The following SHISA9 variants were observed in gnomAD, a reference collection of about 807,000 sequenced individuals.
The protein encoded by SHISA9 is shisa family member 9.
SHISA9 carries 13 observed loss-of-function variants against 38.0 expected under a neutral mutation model. The observed-to-expected ratio is 0.34, with a 90% CI of 0.22 to 0.54. The LOEUF is 0.54. Ranked by LOEUF, SHISA9 falls within the 20% of genes least tolerant of loss-of-function variation. SHISA9 has a pLI of 0.91. For missense variants in SHISA9, 538 were observed against 575.8 expected (o/e 0.93, Z 0.67); for synonymous variants, 275 against 242.0 (o/e 1.14, Z -1.27).
At chr16:13,553,683 A>G in the SHISA9 span, among the ~76,000 whole-genome samples, 162 of 68,296 alleles carry the variant, frequency 2.4e-3, no homozygotes, top group African/African-American at 9.7e-3. Context: ...AAAAAAAAAG[A>G]AAAAAAAAAT....
chr16:13,007,152 C>T (rs1327720836), intron 2 of SHISA9, among the ~76,000 whole-genome samples: 2 of 152,278 alleles, frequency 1.3e-5, no homozygotes, highest in South Asian at 2.1e-4. Context: ...GGAACTTCAA[C>T]CTCCCACTCT....
the SHISA9 span, among the ~76,000 whole-genome samples, chr16:13,468,991 C>T: frequency 6.6e-6 from 1 of 151,466 alleles, no homozygotes; most frequent in Non-Finnish European, 1.5e-5. Context: ...ACTTGTAATC[C>T]CAGCACTTTG....
the SHISA9 span, among the ~76,000 whole-genome samples, chr16:13,461,815 G>A: frequency 2.6e-5 from 4 of 151,300 alleles, no homozygotes; most frequent in African/African-American, 4.8e-5. Flanking sequence ...GGGTTTCACC[G>A]TGTTAGCCAG....
At chr16:13,284,108 A>G in the SHISA9 span, among the ~76,000 whole-genome samples, 1 of 152,134 alleles carries the variant, frequency 6.6e-6, no homozygotes, top group Non-Finnish European at 1.5e-5. Flanking sequence ...CATATATTTC[A>G]AACTCTGCTC....
At chr16:13,396,519 C>G in the SHISA9 span, among the ~76,000 whole-genome samples, 1 of 152,144 alleles carries the variant, frequency 6.6e-6, no homozygotes, top group African/African-American at 2.4e-5. Flanking sequence ...AACCAGAAAT[C>G]AATATTAAGG....
At chr16:13,494,927 C>A in the SHISA9 span, among the ~76,000 whole-genome samples, 1 of 152,102 alleles carries the variant, frequency 6.6e-6, no homozygotes, top group Non-Finnish European at 1.5e-5. Context: ...CATGCAACAC[C>A]CTGCATGAAT....
the SHISA9 span, among the ~76,000 whole-genome samples, chr16:13,387,906 T>C: frequency 6.6e-6 from 1 of 152,142 alleles, no homozygotes; most frequent in South Asian, 2.1e-4. Context: ...TGAAATTTTC[T>C]TGGAGGGTGA....
At chr16:12,986,047 C>T (rs758528818) in intron 2 of SHISA9, among the ~76,000 whole-genome samples, 12 of 152,172 alleles carry the variant, frequency 7.9e-5, no homozygotes, top group East Asian at 3.9e-4. Context: ...AAAGGCCCCA[C>T]GCTTCAGGGC....
chr16:13,143,024 A>ATTTTATTTTATTTTATTTTATTTTATTTT (rs1567226044), intron 2 of SHISA9, among the ~76,000 whole-genome samples: 11 of 151,380 alleles, frequency 7.3e-5, no homozygotes, highest in South Asian at 2.1e-4. Flanking sequence ...ATTTTATTTT[A>ATTTTATTTTATTTTATTTTATTTTATTTT]AGACAGAGTT....
At chr16:13,454,227 C>G in the SHISA9 span, among the ~76,000 whole-genome samples, 132 of 152,200 alleles carry the variant, frequency 8.7e-4, no homozygotes, top group Admixed American at 2.0e-3. Flanking sequence ...TTTCCTATAA[C>G]GTGGGTTTGT....
At chr16:13,424,942 T>C in the SHISA9 span, among the ~76,000 whole-genome samples, 1 of 152,144 alleles carries the variant, frequency 6.6e-6, no homozygotes, top group Non-Finnish European at 1.5e-5. Context: ...GAGAGGAAAG[T>C]GAAATCATCA....
chr16:13,509,119 C>T, the SHISA9 span, among the ~76,000 whole-genome samples: 1 of 152,074 alleles, frequency 6.6e-6, no homozygotes, highest in African/African-American at 2.4e-5. Context: ...GGTAATCACA[C>T]AGTGGAGGTG....
At chr16:13,096,957 T>C (rs1164045432) in intron 2 of SHISA9, among the ~76,000 whole-genome samples, 2 of 152,116 alleles carry the variant, frequency 1.3e-5, no homozygotes, top group African/African-American at 2.4e-5. Flanking sequence ...CCTACTGGGC[T>C]CCATTTCTCT....
chr16:12,930,130 A>T (rs2071444543), intron 2 of SHISA9, among the ~76,000 whole-genome samples: 1 of 152,194 alleles, frequency 6.6e-6, no homozygotes, highest in East Asian at 1.9e-4. Context: ...GGAGGCCAGG[A>T]ATCTTCCTCC....
At position 13,235,476 on chromosome 16, in the gene SHISA9, A is replaced by ACACCCTCCC; in HGVS notation, c.*70_*78dup. On this transcript the variant is annotated 3_prime_UTR_variant, in exon 5 of 5. Coordinates refer to ENST00000558583, the MANE Select transcript of SHISA9 (RefSeq NM_001145204.3). The stretch of plus-strand genomic sequence containing the variant: ...AGAGAGGCAAAAAACAACCCCGCCC[A>ACACCCTCCC]CACCCTCCCCATCCTCCCCTAATAC... 1 of 1,458,896 alleles carries ACACCCTCCC rather than the reference A, an allele frequency of 6.9e-7. No individual in the cohort carries two copies. 90.4% of individuals were successfully genotyped at this position (1,458,896 alleles called of 1,614,324 possible).
intron 2 of SHISA9, among the ~76,000 whole-genome samples, chr16:13,071,811 T>A (rs1319470900): frequency 6.6e-6 from 1 of 152,018 alleles, no homozygotes; most frequent in East Asian, 1.9e-4. Context: ...CTTTTATTTT[T>A]TTTTTTAATT....
chr16:13,540,532 G>A, the SHISA9 span, among the ~76,000 whole-genome samples: 2 of 152,168 alleles, frequency 1.3e-5, no homozygotes, highest in African/African-American at 4.8e-5. Context: ...ATTGCAATGA[G>A]TTATAAAATA....
the SHISA9 span, among the ~76,000 whole-genome samples, chr16:13,386,374 T>G: frequency 2.0e-5 from 3 of 152,188 alleles, no homozygotes; most frequent in Non-Finnish European, 2.9e-5. Flanking sequence ...CTTACTTTAA[T>G]GCGAGTTCTA....
chr16:13,298,115 C>T, the SHISA9 span, among the ~76,000 whole-genome samples: 1 of 152,176 alleles, frequency 6.6e-6, no homozygotes, highest in Admixed American at 6.5e-5. Context: ...CAGGGAAATA[C>T]ATTCTTGTGA....
Sources: gnomAD v4.1 joint callset for allele counts (sites outside exome capture counted in the v4.1 genomes callset) on GRCh38, gnomAD v4.1.1 for gene constraint, MANE v1.5 for transcripts, NCBI Gene and HGNC (gene_info 2026-07-23, HGNC 2026-07-21) for gene names.